CDYL: variants seen among roughly 807,000 people sequenced by gnomAD.
The protein encoded by CDYL is chromodomain Y-like protein.
A neutral mutation model predicts 47.3 loss-of-function variants in CDYL; 8 were observed. The ratio of observed to expected loss-of-function variants is 0.17; its 90% CI spans 0.10 to 0.31. CDYL has a LOEUF of 0.31. Ranked by LOEUF, CDYL falls within the 10% of genes least tolerant of loss-of-function variation. CDYL has a pLI of 1.00. For missense variants in CDYL, 471 were observed against 701.4 expected (o/e 0.67, Z 3.71); for synonymous variants, 266 against 265.0 (o/e 1.00, Z -0.04).
intron 1 of CDYL, among the ~76,000 whole-genome samples, chr6:4,777,170 T>TG (rs1239897946): frequency 8.7e-5 from 6 of 69,270 alleles, no homozygotes; most frequent in Admixed American, 1.5e-4. Context: ...GGGTGGGGTG[T>TG]GGGGGGGTTT....
chr6:4,780,122 G>A (rs778479237), intron 1 of CDYL, among the ~76,000 whole-genome samples: 1 of 152,048 alleles, frequency 6.6e-6, no homozygotes, highest in African/African-American at 2.4e-5. Flanking sequence ...TCAAGGGTTG[G>A]GGATGTATGG....
At chr6:4,835,207 T>G (rs1325599570) in intron 1 of CDYL, among the ~76,000 whole-genome samples, 2 of 152,150 alleles carry the variant, frequency 1.3e-5, no homozygotes, top group Admixed American at 6.5e-5. Flanking sequence ...TGGTTTTATC[T>G]ACTTTTGGAC....
intron 1 of CDYL, among the ~76,000 whole-genome samples, chr6:4,791,788 A>G (rs1265335): frequency 0.23 from 34,237 of 152,018 alleles, 5,717 homozygotes; most frequent in African/African-American, 0.48. Flanking sequence ...ACAGAAGAGT[A>G]GATGTATACA....
At chr6:4,933,283 A>G (rs1758084349) in intron 2 of CDYL, among the ~76,000 whole-genome samples, 1 of 152,100 alleles carries the variant, frequency 6.6e-6, no homozygotes, top group Non-Finnish European at 1.5e-5. Context: ...CTAGATGTGC[A>G]CTTTGGGCTA....
intron 1 of CDYL, among the ~76,000 whole-genome samples, chr6:4,813,271 A>G (rs1302091083): frequency 6.6e-6 from 1 of 152,228 alleles, no homozygotes; most frequent in Non-Finnish European, 1.5e-5. Context: ...ATCTTCGCCT[A>G]CTGGAGTGCT....
Position 4,776,543 on chromosome 6 carries a change from C to G in CDYL, c.-241C>G, listed in dbSNP as rs1431506784. ...ATGAGCCCGAGCGCGAGCCGGCCCG[C>G]CGGGGAGTGAGCGCGGGGCGCCCAG... On this transcript the variant is annotated 5_prime_UTR_variant, in exon 1 of 7. Transcript: ENST00000397588. The G allele has an allele frequency of 1.2e-5, 2 of 166,834 alleles. No homozygotes were observed. Among genetic ancestry groups the G allele is most frequent in the Non-Finnish European group, 2.5e-5 (2 of 80,838 alleles). 10.3% of individuals were successfully genotyped at this position (166,834 alleles called of 1,614,324 possible).
chr6:4,797,789 C>T (rs1186216872), intron 1 of CDYL, among the ~76,000 whole-genome samples: 1 of 152,062 alleles, frequency 6.6e-6, no homozygotes, highest in African/African-American at 2.4e-5. Context: ...TGATTAATAC[C>T]CCATTTTGTG....
At chr6:4,912,329 C>T (rs754668578) in intron 2 of CDYL, among the ~76,000 whole-genome samples, 6 of 152,312 alleles carry the variant, frequency 3.9e-5, no homozygotes, top group East Asian at 1.9e-4. Flanking sequence ...ATAACACGGC[C>T]GCTTCTCATT....
At chr6:4,774,689 C>G (rs1758391816), upstream of CDYL, 1 of 152,268 alleles carries the variant, frequency 6.6e-6, no homozygotes, top group Admixed American at 6.5e-5. Context: ...GGGCCAGCGT[C>G]AAATTTGAAG....
At chr6:4,876,257 T>C in intron 1 of CDYL, among the ~76,000 whole-genome samples, 1 of 152,358 alleles carries the variant, frequency 6.6e-6, no homozygotes, top group East Asian at 1.9e-4. Flanking sequence ...TGAAAACGTG[T>C]GCTGTTTCTA....
At chr6:4,890,144 C>T in intron 1 of CDYL, 1 of 985,440 alleles carries the variant, frequency 1.0e-6, no homozygotes, top group Non-Finnish European at 1.2e-6. Context: ...GGGCAGGAGG[C>T]AGGGGGAACA....
intron 5 of CDYL, among the ~76,000 whole-genome samples, chr6:4,947,165 C>T (rs545944691): frequency 3.3e-5 from 5 of 152,288 alleles, no homozygotes; most frequent in Admixed American, 2.0e-4. Context: ...ACAGGCCTGA[C>T]GCCAGGAGAG....
At chr6:4,893,459 G>A (rs554719328) in intron 2 of CDYL, among the ~76,000 whole-genome samples, 7 of 152,220 alleles carry the variant, frequency 4.6e-5, no homozygotes, top group African/African-American at 7.2e-5. Flanking sequence ...TTGGGAGGCC[G>A]AGGAGGGCAG....
chr6:4,905,515 G>A (rs1038607449), intron 2 of CDYL, among the ~76,000 whole-genome samples: 15 of 152,212 alleles, frequency 9.9e-5, no homozygotes, highest in Non-Finnish European at 1.6e-4. Context: ...GCAGTGGGGG[G>A]ATATTTAGAA....
chr6:4,724,131 C>G (rs990549432), intron 2 of CDYL, among the ~76,000 whole-genome samples: 1 of 152,180 alleles, frequency 6.6e-6, no homozygotes, highest in African/African-American at 2.4e-5. Context: ...ACCTTGACCT[C>G]CTGGGTTCAA....
intron 2 of CDYL, among the ~76,000 whole-genome samples, chr6:4,732,881 A>G (rs567225798): frequency 7.2e-5 from 11 of 152,306 alleles, no homozygotes; most frequent in African/African-American, 2.6e-4. Context: ...CTGAACAGGG[A>G]CAACAGAGGT....
chr6:4,761,568 TC>T (rs1463103044), intron 3 of CDYL, among the ~76,000 whole-genome samples: 2 of 151,700 alleles, frequency 1.3e-5, no homozygotes, highest in African/African-American at 4.8e-5. Context: ...GGTCTTGAAC[TC>T]TTGACCTTGT....
At chr6:4,773,797 G>A (rs577131731), upstream of CDYL, among the ~76,000 whole-genome samples, 4 of 152,276 alleles carry the variant, frequency 2.6e-5, no homozygotes, top group East Asian at 7.7e-4. This position sits in a 1 kb window ranked among gnomAD's most constrained non-coding sequence, Gnocchi z 4.6. Context: ...GCTACTGGTG[G>A]TTACTCTTAA....
intron 1 of CDYL, among the ~76,000 whole-genome samples, chr6:4,781,729 A>G (rs1207740625): frequency 1.3e-5 from 2 of 152,088 alleles, no homozygotes; most frequent in African/African-American, 4.8e-5. Flanking sequence ...CACGGAGAAT[A>G]TTTTCATGGT....
Sources: gnomAD v4.1 joint callset for allele counts (sites outside exome capture counted in the v4.1 genomes callset) on GRCh38, gnomAD v4.1.1 for gene constraint, Gnocchi (gnomAD v3.1) non-coding constraint, MANE v1.5 for transcripts, NCBI Gene and HGNC (gene_info 2026-07-23, HGNC 2026-07-21) for gene names.